DNAH9: variants seen among roughly 807,000 people sequenced by gnomAD.
DNAH9 encodes the protein DNAH9 variant protein.
A neutral mutation model predicts 471.6 loss-of-function variants in DNAH9; 345 were observed. The ratio of observed to expected loss-of-function variants is 0.73; its 90% CI spans 0.67 to 0.80. The LOEUF is 0.80. Among genes scored for constraint, DNAH9 ranks in the 30% least tolerant of loss-of-function variants. DNAH9 has a pLI of 0.00. For synonymous variants in DNAH9, 2,093 were observed against 2,123.6 expected (o/e 0.99, Z 0.40); for missense variants, 5,407 against 5,609.2 (o/e 0.96, Z 1.15).
Position 11,880,190 on chromosome 17 carries a change from A to T in DNAH9, c.10591A>T (p.Lys3531Ter), listed in dbSNP as rs200261738. The T allele has an allele frequency of 2.5e-6, 4 of 1,612,594 alleles. No individual in the cohort carries two copies. Among genetic ancestry groups the T allele is most frequent in the Non-Finnish European group, 8.5e-7 (1 of 1,179,188 alleles). ...ACCCCTGCTTGGGAGAGAAGTCATT[A>T]AAAAAGGACGGTAAGACTCAGCTGT... is the stretch of plus-strand genomic sequence containing the variant. ...LGPLLGREVI[K>*]KGRFIKIGDK... Residue 3531 changes from lysine (K) to a stop codon, truncating the protein, a stop_gained, in exon 54 of 69, where the codon AAA (lysine) becomes TAA (stop). Coordinates refer to ENST00000262442, the MANE Select transcript of DNAH9 (RefSeq NM_001372.4). LOFTEE classifies it high-confidence loss of function.
Position 11,871,606 on chromosome 17 carries a change from A to G in DNAH9, c.10062A>G (p.Gly3354=), listed in dbSNP as rs773094072. ...GGCTTTTGAAATGGTAGGTTGGAGGACTCGCTTCTGAAAACGTGAGGTGGG... is the reference window on the plus strand; with the variant it reads ...GGCTTTTGAAATGGTAGGTTGGAGGGCTCGCTTCTGAAAACGTGAGGTGGG... ...TISLANRLVG[G]LASENVRWAD... Residue 3354 remains glycine, a synonymous_variant, in exon 52 of 69, where the codon GGA becomes GGG. Coordinates refer to ENST00000262442, the MANE Select transcript of DNAH9 (RefSeq NM_001372.4). 6.2e-7 allele frequency: 1 copy of G among 1,613,630 alleles called. No homozygotes were observed. Among genetic ancestry groups the G allele is most frequent in the Admixed American group, 1.7e-5 (1 of 60,010 alleles).
intron 24 of DNAH9, 141 bp downstream of exon 24, chr17:11,701,388 G>A (rs918589756): frequency 2.3e-6 from 2 of 881,902 alleles, no homozygotes; most frequent in Non-Finnish European, 3.5e-6. Flanking sequence ...ACCACTGTGA[G>A]GGGTCAGCAG....
intron 48 of DNAH9, 124 bp downstream of exon 48, chr17:11,823,158 C>A (rs1597698173): frequency 1.3e-6 from 1 of 799,990 alleles, no homozygotes; most frequent in Non-Finnish European, 1.9e-6. Flanking sequence ...CAGAGACTCC[C>A]ATGTCATCAG....
intron 66 of DNAH9, among the ~76,000 whole-genome samples, chr17:11,940,659 C>T (rs2151044890): frequency 6.6e-6 from 1 of 152,242 alleles, no homozygotes. Context: ...CAATACAAGG[C>T]AAGGTGAATA....
intron 15 of DNAH9, among the ~76,000 whole-genome samples, chr17:11,665,723 A>G (rs2073854263): frequency 6.6e-6 from 1 of 152,204 alleles, no homozygotes; most frequent in South Asian, 2.1e-4. Context: ...CAAATAACCT[A>G]TAGAAGGATT....
Position 11,665,038 on chromosome 17 carries a change from T to C in DNAH9, c.2731+70T>C, listed in dbSNP as rs752114354. 466 of 1,416,736 alleles carry C rather than the reference T, an allele frequency of 3.3e-4. 1 individual carries two copies. The highest frequency in any genetic ancestry group is 1.5e-4 in the Non-Finnish European group (157 of 1,020,706). 87.8% of individuals were successfully genotyped at this position (1,416,736 alleles called of 1,614,324 possible). ...AACAGTAACATTTGTTGAATTATAT[T>C]GAAGAGCAGCTGAGTGCTCTGTGAC... is the stretch of plus-strand genomic sequence containing the variant. On this transcript the variant is annotated intron_variant, in intron 15 of 68. Coordinates refer to ENST00000262442, the MANE Select transcript of DNAH9 (RefSeq NM_001372.4).
rs568213000 is a variant in DNAH9 at position 11,657,461 on chromosome 17, C to G, written c.2595+4459C>G. 3.9e-5 allele frequency among the ~76,000 whole-genome samples: 6 copies of G among 152,174 alleles called. No individual in the cohort carries two copies. In the South Asian group the frequency reaches 1.2e-3, roughly 32 times the overall value. On this transcript the variant is annotated intron_variant, in intron 14 of 68. Transcript: ENST00000262442. ...CAGCTTCTGGTTACACATCTTTTGACAGATATGTGTGTTGTGAATATCTTC... is the reference window on the plus strand; with the variant it reads ...CAGCTTCTGGTTACACATCTTTTGAGAGATATGTGTGTTGTGAATATCTTC...
chr17:11,737,103 G>T (rs901865431), intron 28 of DNAH9, among the ~76,000 whole-genome samples: 1 of 152,210 alleles, frequency 6.6e-6, no homozygotes, highest in Non-Finnish European at 1.5e-5. Flanking sequence ...TTTGGCCAGC[G>T]TCCTGGCTGC....
rs1007212299 is a variant in DNAH9, at chr17:11,880,703, T to G, written c.10601+503T>G. 6.6e-5 allele frequency among the ~76,000 whole-genome samples: 10 copies of G among 152,092 alleles called. No homozygotes were observed. The East Asian group carries it at 1.9e-3, about 29-fold the overall frequency. ...TGGGTTCGTATGAAGGGCAGAGTAA[T>G]TATCATGAAGGGGTGCTTGACTCAG... On this transcript the variant is annotated intron_variant, in intron 54 of 68. Transcript: ENST00000262442.
chr17:11,646,400 A>G (rs185341213), intron 11 of DNAH9, among the ~76,000 whole-genome samples: 3 of 152,186 alleles, frequency 2.0e-5, no homozygotes, highest in Admixed American at 6.5e-5. Flanking sequence ...CTCATCCATC[A>G]TTTGTATCCC....
At chr17:11,963,205 C>G (rs1439999706) in intron 68 of DNAH9, among the ~76,000 whole-genome samples, 3 of 152,010 alleles carry the variant, frequency 2.0e-5, no homozygotes, top group African/African-American at 7.2e-5. Context: ...GAGGCCGAGG[C>G]GGGCAGATCA....
chr17:11,846,698 TCTC>T (rs1971236681), intron 49 of DNAH9, among the ~76,000 whole-genome samples: 1 of 140,006 alleles, frequency 7.1e-6, no homozygotes, highest in Non-Finnish European at 1.5e-5. Flanking sequence ...GGTTTGTAGT[TCTC>T]CTTGAAGAGG....
At chr17:11,693,797 T>G in intron 20 of DNAH9, 71 bp from the exon 21 acceptor site, 1 of 1,528,836 alleles carries the variant, frequency 6.5e-7, no homozygotes, top group South Asian at 1.1e-5. Flanking sequence ...TGCTTCTAAC[T>G]GGCTCCATGG....
chr17:11,742,459 CA>C, intron 30 of DNAH9, 146 bp downstream of exon 30: 2 of 725,296 alleles, frequency 2.8e-6, no homozygotes, highest in South Asian at 2.1e-5. Flanking sequence ...AACCTCTGAA[CA>C]CTTCCATATT....
rs374958871 is a variant in DNAH9, at chr17:11,669,551, C to T, written c.3110C>T (p.Pro1037Leu). ...QFLLYGHILT[P>L]EEIEDHVEDG... ...CTGCTGTACGGGCACATCCTCACTC[C>T]GGAAGAAATTGAAGACCATGTGGAA... The change falls in exon 17 of 69, where the codon CCG (proline) becomes CTG (leucine). Residue 1037 changes from proline (P) to leucine (L), a missense_variant. Coordinates refer to ENST00000262442, the MANE Select transcript of DNAH9 (RefSeq NM_001372.4). 39 of 1,614,142 alleles carry T rather than the reference C, an allele frequency of 2.4e-5. No homozygotes were observed. The highest frequency in any genetic ancestry group is 1.9e-4 in the African/African-American group (14 of 75,020).
At chr17:11,915,795 C>T (rs1243047702) in intron 61 of DNAH9, among the ~76,000 whole-genome samples, 4 of 152,232 alleles carry the variant, frequency 2.6e-5, no homozygotes, top group Non-Finnish European at 4.4e-5. Flanking sequence ...ATTTGATTCT[C>T]AACTAGAGAT....
chr17:11,699,737 C>T lies in DNAH9; in HGVS notation c.4879C>T (p.Arg1627Cys), dbSNP rs184447647. 9.9e-6 allele frequency: 16 copies of T among 1,614,082 alleles called. No individual in the cohort carries two copies. The highest frequency in any genetic ancestry group is 1.3e-5 in the African/African-American group (1 of 75,030). The part of the protein sequence containing the change: ...SNGTAPQQVQ[R>C]HLSKLFDNMA... The stretch of plus-strand genomic sequence containing the variant: ...GCCTGGTTTCCCTTCATAGGTTCAA[C>T]GTCACCTTTCCAAACTCTTTGACAA... The change falls in exon 23 of 69, where the codon CGT (arginine) becomes TGT (cysteine). Residue 1627 changes from arginine to cysteine, a missense_variant. Arg to Cys is a radical substitution (Grantham distance 180). Transcript: ENST00000262442.
chr17:11,960,577 T>C (rs964547113), intron 67 of DNAH9, among the ~76,000 whole-genome samples: 23 of 150,606 alleles, frequency 1.5e-4, no homozygotes, highest in African/African-American at 5.6e-4. Context: ...CTGGCCAACA[T>C]GGTGAAACCC....
Position 11,923,866 on chromosome 17 carries a change from G to T in DNAH9, c.11802G>T (p.Leu3934Phe), listed in dbSNP as rs1429256220. 6.2e-7 allele frequency: 1 copy of T among 1,614,012 alleles called. No homozygotes were observed. Among genetic ancestry groups the T allele is most frequent in the Non-Finnish European group, 8.5e-7 (1 of 1,179,982 alleles). ...FNNQNFHNVS[L>F]GQGQEVVAEA... ...ATCAGAACTTTCACAACGTGTCTTT[G>T]GGGCAAGGACAGGAAGTGGTGGCTG... Residue 3934 changes from leucine (L) to phenylalanine (F), a missense_variant, in exon 62 of 69, where the codon TTG becomes TTT. By Grantham distance (22) the Leu-to-Phe change is conservative. Transcript: ENST00000262442.
Sources: gnomAD v4.1 joint callset for allele counts (sites outside exome capture counted in the v4.1 genomes callset) on GRCh38, gnomAD v4.1.1 for gene constraint, MANE v1.5 for transcripts, NCBI Gene and HGNC (gene_info 2026-07-23, HGNC 2026-07-21) for gene names.